Variants in THSD4 observed in about 807,000 individuals in gnomAD.
THSD4 encodes the protein thrombospondin type-1 domain-containing protein 4.
Under a neutral mutation model 119.0 loss-of-function variants are expected in THSD4, and 69 were observed. That is an observed-to-expected ratio of 0.58 (90% CI 0.48 to 0.71). THSD4 has a LOEUF of 0.71. Ranked by LOEUF, THSD4 falls within the 30% of genes least tolerant of loss-of-function variation. The pLI, the probability that THSD4 is intolerant of heterozygous loss-of-function variation, is 0.00. For synonymous variants in THSD4, 524 were observed against 540.4 expected (o/e 0.97, Z 0.42); for missense variants, 1,393 against 1,391.1 (o/e 1.00, Z -0.02).
At chr15:71,368,018 A>T (rs1300081685) in intron 6 of THSD4, among the ~76,000 whole-genome samples, 2 of 151,934 alleles carry the variant, frequency 1.3e-5, no homozygotes, top group African/African-American at 4.8e-5. Flanking sequence ...TTTGATTTGC[A>T]TTTCTCTGAT....
At chr15:71,165,437 C>T (rs1374566083) in intron 3 of THSD4, 46 of 1,460,324 alleles carry the variant, frequency 3.1e-5, no homozygotes, top group East Asian at 2.7e-4. Flanking sequence ...TTTTCCTCAG[C>T]GAGGCACAGA....
chr15:71,353,636 T>C (rs534678325), intron 6 of THSD4, among the ~76,000 whole-genome samples: 3 of 152,340 alleles, frequency 2.0e-5, no homozygotes, highest in South Asian at 2.1e-4. Context: ...GTGCAGCTTT[T>C]CTAGAGAAGG....
chr15:71,294,976 G>A (rs73435455), intron 6 of THSD4, among the ~76,000 whole-genome samples: 187 of 151,552 alleles, frequency 1.2e-3, no homozygotes, highest in African/African-American at 4.5e-3. Flanking sequence ...GAGTTTTATG[G>A]CACCTGGGAA....
At chr15:71,314,368 C>CG (rs2045156794) in intron 6 of THSD4, among the ~76,000 whole-genome samples, 1 of 152,022 alleles carries the variant, frequency 6.6e-6, no homozygotes, top group Non-Finnish European at 1.5e-5. Context: ...AGTGTAGTGG[C>CG]TGGTCTCAGC....
At chr15:71,176,066 G>A (rs1233730341) in intron 3 of THSD4, among the ~76,000 whole-genome samples, 1 of 136,748 alleles carries the variant, frequency 7.3e-6, no homozygotes, top group Admixed American at 7.5e-5. Flanking sequence ...AGACTAGGAA[G>A]AAACTGCATC....
At position 71,125,168 on chromosome 15, in the gene THSD4, G is replaced by A. The variant is rs192799498; in HGVS notation, c.-80+9470G>A. Reference sequence around the variant, plus strand: ...GGAAAGGAAAAGAAAAGAGAAAAGAGAAGAAAAGAAAAAATTTTATACCCT... The same window carrying A: ...GGAAAGGAAAAGAAAAGAGAAAAGAAAAGAAAAGAAAAAATTTTATACCCT... On this transcript the variant is annotated intron_variant, in intron 1 of 17. Coordinates refer to ENST00000261862, the MANE Select transcript of THSD4 (RefSeq NM_024817.3). Among the ~76,000 whole-genome samples the A allele has an allele frequency of 2.9e-4, 44 of 152,146 alleles. No individual in the cohort carries two copies. The East Asian group carries it at 7.9e-3, about 27-fold the overall frequency.
intron 6 of THSD4, among the ~76,000 whole-genome samples, chr15:71,303,469 A>G (rs1390221017): frequency 6.6e-6 from 1 of 152,242 alleles, no homozygotes; most frequent in Non-Finnish European, 1.5e-5. Context: ...GAACTCAGAC[A>G]AGCCAGTTCT....
intron 3 of THSD4, chr15:71,187,282 T>C (rs2043617927): frequency 6.6e-6 from 1 of 152,584 alleles, no homozygotes; most frequent in Non-Finnish European, 1.5e-5. Flanking sequence ...GCAAAAACAA[T>C]GCGGCAACCC....
intron 7 of THSD4, among the ~76,000 whole-genome samples, chr15:71,604,242 T>C (rs2050065453): frequency 6.6e-6 from 1 of 152,226 alleles, no homozygotes; most frequent in African/African-American, 2.4e-5. Context: ...GCAGCCTTTT[T>C]CTTCCTCCCA....
intron 6 of THSD4, among the ~76,000 whole-genome samples, chr15:71,269,956 CA>C (rs1258253447): frequency 6.6e-6 from 1 of 152,100 alleles, no homozygotes; most frequent in Non-Finnish European, 1.5e-5. Context: ...AGAGAGGACA[CA>C]AACAAATGGA....
chr15:71,735,546 CTCTT>C (rs1457059417), intron 10 of THSD4, among the ~76,000 whole-genome samples: 3 of 151,878 alleles, frequency 2.0e-5, no homozygotes, highest in African/African-American at 7.3e-5. Flanking sequence ...CTTTTGCTCT[CTCTT>C]TATTGCTCTC....
chr15:71,724,292 T>A (rs2052790945), intron 8 of THSD4, among the ~76,000 whole-genome samples: 2 of 126,932 alleles, frequency 1.6e-5, no homozygotes, highest in Admixed American at 1.8e-4. Context: ...TATATATTTT[T>A]TTTTTCCCCC....
chr15:71,164,419 A>G (rs1290840288), intron 3 of THSD4, among the ~76,000 whole-genome samples: 1 of 149,478 alleles, frequency 6.7e-6, no homozygotes, highest in Non-Finnish European at 1.5e-5. Flanking sequence ...CAGAACAACA[A>G]TTATTTCGTA....
intron 6 of THSD4, among the ~76,000 whole-genome samples, chr15:71,311,511 C>T (rs1360901600): frequency 6.6e-6 from 1 of 152,206 alleles, no homozygotes; most frequent in Non-Finnish European, 1.5e-5. Flanking sequence ...TAGAAGAGTG[C>T]TGTGCTCCCT....
intron 7 of THSD4, among the ~76,000 whole-genome samples, chr15:71,470,491 C>A (rs2047560165): frequency 6.6e-6 from 1 of 152,144 alleles, no homozygotes; most frequent in African/African-American, 2.4e-5. Context: ...CATTTTATGT[C>A]TATTAATTCA....
intron 11 of THSD4, among the ~76,000 whole-genome samples, chr15:71,738,371 G>T (rs2053168637): frequency 1.3e-5 from 2 of 152,166 alleles, no homozygotes; most frequent in African/African-American, 2.4e-5. Flanking sequence ...TCGATTGGGG[G>T]CCCCTGGCCC....
intron 6 of THSD4, among the ~76,000 whole-genome samples, chr15:71,365,993 G>A (rs950932011): frequency 2.0e-5 from 3 of 152,118 alleles, no homozygotes; most frequent in African/African-American, 7.2e-5. Flanking sequence ...CTTCTCTCAG[G>A]TGAGAAGAGG....
At chr15:71,116,373 G>T (rs1334080580) in intron 1 of THSD4, among the ~76,000 whole-genome samples, 1 of 152,224 alleles carries the variant, frequency 6.6e-6, no homozygotes, top group Non-Finnish European at 1.5e-5. Flanking sequence ...CTACAGATCT[G>T]GAAGTTAAGT....
chr15:71,363,839 A>G (rs1262022989), intron 6 of THSD4, among the ~76,000 whole-genome samples: 1 of 152,334 alleles, frequency 6.6e-6, no homozygotes, highest in East Asian at 1.9e-4. Context: ...ATAGAGTTGT[A>G]AAGTAACTCA....
Sources: gnomAD v4.1 joint callset for allele counts (sites outside exome capture counted in the v4.1 genomes callset) on GRCh38, gnomAD v4.1.1 for gene constraint, MANE v1.5 for transcripts, NCBI Gene and HGNC (gene_info 2026-07-23, HGNC 2026-07-21) for gene names.